The following GLB1 variants were observed in gnomAD, a reference collection of about 807,000 sequenced individuals.
GLB1 encodes the protein galactosidase beta 1, also known as beta-galactosidase.
A neutral mutation model predicts 74.0 loss-of-function variants in GLB1; 56 were observed. That is an observed-to-expected ratio of 0.76 (90% CI 0.61 to 0.94). The LOEUF (loss-of-function observed/expected upper bound fraction) is 0.94. Ranked by LOEUF, GLB1 falls within the 40% of genes least tolerant of loss-of-function variation. The pLI is 0.00. For synonymous variants in GLB1, 323 were observed against 323.6 expected, an observed-to-expected ratio of 1.00 and a Z score of 0.02; for missense variants, 787 against 845.5, an observed-to-expected ratio of 0.93 and a Z score of 0.86.
chr3:33,009,151 AAAT>A (rs373549825), intron 15 of GLB1, among the ~76,000 whole-genome samples: 9,910 of 151,248 alleles, frequency 0.066, 460 homozygotes, highest in East Asian at 0.22. Context: ...ATAAATAAAT[AAAT>A]AAAAAAGATT....
intron 1 of GLB1, among the ~76,000 whole-genome samples, chr3:33,094,949 G>A (rs894319302): frequency 7.2e-5 from 11 of 152,110 alleles, no homozygotes. Flanking sequence ...AGTGGCTGAC[G>A]CCTATAATTC....
At chr3:33,042,991 A>T (rs1197291847) in intron 10 of GLB1, among the ~76,000 whole-genome samples, 1 of 152,236 alleles carries the variant, frequency 6.6e-6, no homozygotes, top group Non-Finnish European at 1.5e-5. Context: ...CCATTGTAGT[A>T]ATGCCCCATG....
At chr3:32,980,732 G>T in the GLB1 span, among the ~76,000 whole-genome samples, 1 of 152,054 alleles carries the variant, frequency 6.6e-6, no homozygotes, top group Admixed American at 6.5e-5. Flanking sequence ...AGTGAGCCAA[G>T]ATCATGCCAC....
At chr3:33,014,838 G>A (rs1275012049) in intron 14 of GLB1, among the ~76,000 whole-genome samples, 3 of 152,122 alleles carry the variant, frequency 2.0e-5, no homozygotes, top group African/African-American at 7.2e-5. Flanking sequence ...GTGGTGGCAG[G>A]TGCCTGTAAT....
intron 10 of GLB1, among the ~76,000 whole-genome samples, chr3:33,027,237 G>A (rs1386399190): frequency 6.6e-6 from 1 of 152,260 alleles, no homozygotes; most frequent in Non-Finnish European, 1.5e-5. Context: ...GCCTTGCAGA[G>A]GGCTGGCGCC....
At chr3:33,030,872 AAAT>A in intron 10 of GLB1, 1 of 962,842 alleles carries the variant, frequency 1.0e-6, no homozygotes, top group Non-Finnish European at 1.2e-6. Context: ...CAGCATACAA[AAAT>A]AAACTCACCA....
At chr3:33,082,051 T>C (rs1434548945) in intron 1 of GLB1, among the ~76,000 whole-genome samples, 2 of 152,134 alleles carry the variant, frequency 1.3e-5, no homozygotes, top group Admixed American at 1.3e-4. Flanking sequence ...ATTCCTCCAA[T>C]CCTTCCCAAC....
intron 11 of GLB1, among the ~76,000 whole-genome samples, chr3:33,022,790 C>T (rs1575419127): frequency 1.3e-5 from 2 of 151,962 alleles, no homozygotes; most frequent in Middle Eastern, 6.8e-3. Context: ...GAACTCCTGA[C>T]CTCAGGTGAT....
chr3:33,066,326 A>G (rs1276443270), intron 4 of GLB1, among the ~76,000 whole-genome samples: 1 of 152,208 alleles, frequency 6.6e-6, no homozygotes, highest in African/African-American at 2.4e-5. Flanking sequence ...ATAGATTAAT[A>G]GGTTAATGGA....
At chr3:32,970,764 C>G in the GLB1 span, among the ~76,000 whole-genome samples, 6 of 152,058 alleles carry the variant, frequency 3.9e-5, no homozygotes, top group African/African-American at 1.4e-4. Flanking sequence ...AATCCTACGG[C>G]GAAACCTAAC....
At chr3:33,027,924 T>G (rs902867497) in intron 10 of GLB1, among the ~76,000 whole-genome samples, 1 of 152,126 alleles carries the variant, frequency 6.6e-6, no homozygotes, top group Non-Finnish European at 1.5e-5. Context: ...ATTATTTTGT[T>G]TTGAGATAGG....
At chr3:32,976,958 T>G in the GLB1 span, among the ~76,000 whole-genome samples, 1 of 152,194 alleles carries the variant, frequency 6.6e-6, no homozygotes. Context: ...ATCTCTTTAA[T>G]GCTTCTGTAA....
chr3:32,976,597 G>A, the GLB1 span, among the ~76,000 whole-genome samples: 1 of 152,268 alleles, frequency 6.6e-6, no homozygotes, highest in African/African-American at 2.4e-5. Flanking sequence ...ATGGGAGGCA[G>A]CAGTGCCGGG....
the GLB1 span, among the ~76,000 whole-genome samples, chr3:32,962,289 C>T: frequency 6.6e-6 from 1 of 151,892 alleles, no homozygotes; most frequent in Non-Finnish European, 1.5e-5. Context: ...AGGACATTAG[C>T]TAAACATTAA....
chr3:33,059,308 A>C (rs1427631754), intron 5 of GLB1, among the ~76,000 whole-genome samples: 6 of 151,826 alleles, frequency 4.0e-5, no homozygotes. Flanking sequence ...ATAAACCAAT[A>C]TACAATATCT....
chr3:33,013,529 G>A (rs1014213099), intron 15 of GLB1, among the ~76,000 whole-genome samples: 2 of 152,142 alleles, frequency 1.3e-5, no homozygotes, highest in Admixed American at 1.3e-4. Flanking sequence ...GAGAGGAGAA[G>A]GCGGTGAAGG....
chr3:33,078,722 T>TA (rs1311840752), intron 1 of GLB1, among the ~76,000 whole-genome samples: 1 of 152,228 alleles, frequency 6.6e-6, no homozygotes, highest in Non-Finnish European at 1.5e-5. Flanking sequence ...TGTGATATGA[T>TA]ATGTGTAATA....
chr3:33,014,434 C>G (rs933103250), intron 14 of GLB1, 124 bp from the exon 15 acceptor site: 1 of 1,422,264 alleles, frequency 7.0e-7, no homozygotes, highest in Admixed American at 2.0e-5. Context: ...AAATGAACCT[C>G]GAAATATGTG....
Position 33,093,810 on chromosome 3 carries a change from A to G in GLB1, c.75+3201T>C. ...GCCGCTGAGGATGAAGAGGAAGAAG[A>G]GCATGATGATGTAAGCACCCAGGCA... is the stretch of plus-strand genomic sequence containing the variant. On this transcript the variant is annotated intron_variant, in intron 1 of 15. Coordinates refer to ENST00000307363, the MANE Select transcript of GLB1 (RefSeq NM_000404.4). The surrounding 1 kb of genome is among the most constrained non-coding windows in gnomAD (Gnocchi z 6.0). 1 of 1,613,646 alleles carries G rather than the reference A, an allele frequency of 6.2e-7. No individual in the cohort carries two copies. Among genetic ancestry groups the G allele is most frequent in the Non-Finnish European group, 8.5e-7 (1 of 1,179,754 alleles).
Sources: allele counts gnomAD v4.1 joint callset (sites outside exome capture counted in the v4.1 genomes callset), GRCh38; gene constraint gnomAD v4.1.1; non-coding constraint Gnocchi (gnomAD v3.1); transcripts MANE v1.5; gene names NCBI Gene and HGNC (gene_info 2026-07-23, HGNC 2026-07-21).